The following CACNA2D3 variants were observed in gnomAD, a reference collection of about 807,000 sequenced individuals.
CACNA2D3 encodes voltage-dependent calcium channel subunit alpha-2/delta-3.
A neutral mutation model predicts 160.6 loss-of-function variants in CACNA2D3; 60 were observed. The ratio of observed to expected loss-of-function variants is 0.37; its 90% CI spans 0.30 to 0.46. CACNA2D3 has a LOEUF of 0.46. CACNA2D3 is among the 20% of genes least tolerant of loss of function. The pLI, the probability that CACNA2D3 is intolerant of heterozygous loss-of-function variation, is 1.00. For synonymous variants in CACNA2D3, 558 were observed against 492.9 expected (o/e 1.13, Z -1.75); for missense variants, 1,205 against 1,365.0 (o/e 0.88, Z 1.85).
rs1699050870 is a variant in CACNA2D3, at chr3:54,624,402, C to T, written c.964-3385C>T. 2.0e-5 allele frequency among the ~76,000 whole-genome samples: 3 copies of T among 152,144 alleles called. No homozygotes were observed. The South Asian group carries it at 6.2e-4, about 31-fold the overall frequency. ...CTTTGGGAGGCTGAGGCGGGTGGAT[C>T]ATGAGGTCAGGAGATCGAGACCATC... On this transcript the variant is annotated intron_variant, in intron 9 of 37. Transcript: ENST00000474759.
chr3:54,608,528 A>G (rs1326523875), intron 9 of CACNA2D3, among the ~76,000 whole-genome samples: 3 of 152,186 alleles, frequency 2.0e-5, no homozygotes, highest in South Asian at 2.1e-4. Flanking sequence ...TAGGTTTTGC[A>G]TGCACGTGGC....
intron 35 of CACNA2D3, among the ~76,000 whole-genome samples, chr3:55,057,153 G>A (rs891019828): frequency 6.6e-6 from 1 of 152,130 alleles, no homozygotes; most frequent in Non-Finnish European, 1.5e-5. Context: ...TATGTAAGAC[G>A]TCCCTTTGCT....
chr3:54,650,966 C>T (rs1042625379), intron 11 of CACNA2D3, among the ~76,000 whole-genome samples: 3 of 152,174 alleles, frequency 2.0e-5, no homozygotes, highest in African/African-American at 7.2e-5. Flanking sequence ...TCGTTATCCC[C>T]TTTCACAGTT....
At chr3:55,014,971 A>G (rs1488563725) in intron 34 of CACNA2D3, among the ~76,000 whole-genome samples, 3 of 152,216 alleles carry the variant, frequency 2.0e-5, no homozygotes, top group Non-Finnish European at 4.4e-5. Flanking sequence ...CGTGCTGCAA[A>G]TAGACCCAAC....
intron 4 of CACNA2D3, among the ~76,000 whole-genome samples, chr3:54,461,902 T>A (rs1700512452): frequency 6.6e-6 from 1 of 152,236 alleles, no homozygotes; most frequent in Non-Finnish European, 1.5e-5. Flanking sequence ...CTGCTTTCTG[T>A]TGTGGGCATT....
intron 9 of CACNA2D3, among the ~76,000 whole-genome samples, chr3:54,599,624 A>G (rs923588219): frequency 6.6e-6 from 1 of 151,140 alleles, no homozygotes; most frequent in African/African-American, 2.4e-5. Flanking sequence ...GGAGGAAAAA[A>G]CCTCTGGTAG....
chr3:54,773,501 C>G (rs1400999447), intron 13 of CACNA2D3, among the ~76,000 whole-genome samples: 3 of 152,198 alleles, frequency 2.0e-5, no homozygotes, highest in Non-Finnish European at 2.9e-5. Flanking sequence ...GTTGGGACCT[C>G]TATTTCATAG....
At chr3:54,494,082 G>A (rs1396884854) in intron 4 of CACNA2D3, among the ~76,000 whole-genome samples, 1 of 152,190 alleles carries the variant, frequency 6.6e-6, no homozygotes, top group Non-Finnish European at 1.5e-5. Flanking sequence ...GATTAGTTCT[G>A]TTGTGCTCCC....
intron 11 of CACNA2D3, among the ~76,000 whole-genome samples, chr3:54,735,496 C>T (rs1350792747): frequency 2.0e-5 from 3 of 152,196 alleles, no homozygotes; most frequent in Non-Finnish European, 4.4e-5. Flanking sequence ...TTCTCAGCAG[C>T]TCTGGATGAC....
At chr3:54,986,154 C>T (rs761511905) in intron 30 of CACNA2D3, among the ~76,000 whole-genome samples, 16 of 152,166 alleles carry the variant, frequency 1.1e-4, no homozygotes, top group Middle Eastern at 6.8e-3. Flanking sequence ...GGAATGATCC[C>T]GGGGCTCAGG....
At chr3:54,461,007 G>C (rs1248411093) in intron 4 of CACNA2D3, among the ~76,000 whole-genome samples, 1 of 148,574 alleles carries the variant, frequency 6.7e-6, no homozygotes, top group African/African-American at 2.6e-5. Flanking sequence ...TTTTGTCAAA[G>C]GCCTTTTCTG....
At chr3:54,914,454 A>G (rs951573932) in intron 27 of CACNA2D3, among the ~76,000 whole-genome samples, 1 of 152,192 alleles carries the variant, frequency 6.6e-6, no homozygotes, top group Non-Finnish European at 1.5e-5. Flanking sequence ...TTTGTTATCA[A>G]GGTCGTCTTG....
At chr3:54,453,100 C>A (rs1270814750) in intron 4 of CACNA2D3, among the ~76,000 whole-genome samples, 1 of 152,084 alleles carries the variant, frequency 6.6e-6, no homozygotes, top group Non-Finnish European at 1.5e-5. Flanking sequence ...TAAGCAGTCT[C>A]CCTACCTCAG....
chr3:54,830,415 T>C (rs1394754963), intron 14 of CACNA2D3, among the ~76,000 whole-genome samples: 1 of 151,896 alleles, frequency 6.6e-6, no homozygotes, highest in African/African-American at 2.4e-5. Flanking sequence ...TTCAGTTGGG[T>C]AGGTAACTAA....
At chr3:54,622,119 C>G (rs1698999893) in intron 9 of CACNA2D3, among the ~76,000 whole-genome samples, 1 of 152,172 alleles carries the variant, frequency 6.6e-6, no homozygotes, top group Non-Finnish European at 1.5e-5. Context: ...CACTGATGCT[C>G]TCACTACCCC....
chr3:54,392,158 T>C (rs1289695860), intron 4 of CACNA2D3, among the ~76,000 whole-genome samples: 1 of 152,206 alleles, frequency 6.6e-6, no homozygotes, highest in Non-Finnish European at 1.5e-5. Flanking sequence ...CAATTCCAGG[T>C]GGAGAAGCAG....
intron 4 of CACNA2D3, among the ~76,000 whole-genome samples, chr3:54,419,913 G>C (rs538453575): frequency 5.3e-5 from 8 of 149,724 alleles, no homozygotes; most frequent in Non-Finnish European, 8.9e-5. Context: ...CTACAGGTGC[G>C]CGCCACCATG....
chr3:54,447,130 G>C (rs546842002), intron 4 of CACNA2D3, among the ~76,000 whole-genome samples: 1 of 152,308 alleles, frequency 6.6e-6, no homozygotes, highest in Admixed American at 6.5e-5. Context: ...ACTTTTCTGA[G>C]TGCTAATCTG....
intron 31 of CACNA2D3, among the ~76,000 whole-genome samples, chr3:54,992,223 A>T (rs1005703327): frequency 6.6e-6 from 1 of 152,212 alleles, no homozygotes; most frequent in Non-Finnish European, 1.5e-5. Flanking sequence ...ACACGAGGTT[A>T]AAAGCATGGT....
Sources: allele counts gnomAD v4.1 joint callset (sites outside exome capture counted in the v4.1 genomes callset), GRCh38; gene constraint gnomAD v4.1.1; transcripts MANE v1.5; gene names NCBI Gene and HGNC (gene_info 2026-07-23, HGNC 2026-07-21).